DMD: variants seen among roughly 807,000 people sequenced by gnomAD.
DMD encodes the protein mutant dystrophin.
Under a neutral mutation model 330.1 loss-of-function variants are expected in DMD, and 63 were observed. The ratio of observed to expected loss-of-function variants is 0.19; its 90% CI spans 0.16 to 0.24. DMD has a LOEUF of 0.24. Ranked by LOEUF, DMD falls within the 10% of genes least tolerant of loss-of-function variation. The probability of loss-of-function intolerance (pLI) is 1.00; values close to 1 mark genes in which losing one functional copy is unlikely to be tolerated. For missense variants in DMD, 3,344 were observed against 2,684.1 expected (o/e 1.25, Z -5.43); for synonymous variants, 1,223 against 959.8 (o/e 1.27, Z -5.07).
chrX:33,034,744 G>A (rs985174721), intron 1 of DMD, among the ~76,000 whole-genome samples: 1 of 112,007 alleles, frequency 8.9e-6, no homozygotes, highest in Non-Finnish European at 1.9e-5. Flanking sequence ...CATACGGCCT[G>A]GATTTAAAGT....
chrX:32,251,157 T>C (rs867415304), intron 43 of DMD, among the ~76,000 whole-genome samples: 4 of 110,127 alleles, frequency 3.6e-5, no homozygotes. Flanking sequence ...ACCTGCACGT[T>C]CTGCACCTGT....
At chrX:33,070,742 C>A in intron 1 of DMD, among the ~76,000 whole-genome samples, 1 of 78,234 alleles carries the variant, frequency 1.3e-5, no homozygotes, top group African/African-American at 4.8e-5. Context: ...GATAATGTTT[C>A]TTTACTTCTT....
chrX:31,566,245 G>C (rs1415882590), intron 55 of DMD, among the ~76,000 whole-genome samples: 1 of 111,631 alleles, frequency 9.0e-6, no homozygotes, highest in African/African-American at 3.2e-5. Flanking sequence ...TTAAGTCCAT[G>C]ATCTATTTTG....
rs146760461 is a variant in DMD, at chrX:32,588,277, G to T, written c.1602+7480C>A. Among the ~76,000 whole-genome samples the T allele has an allele frequency of 2.5e-4, 28 of 111,810 alleles. No individual in the cohort carries two copies. In the East Asian group the frequency reaches 7.9e-3, roughly 31 times the overall value. ...TCGGTGCCCAAACAGACACAATTAG[G>T]GTACAGACATGGCACAAAGAGGGAG... On this transcript the variant is annotated intron_variant, in intron 13 of 78. Coordinates refer to ENST00000357033, the MANE Select transcript of DMD (RefSeq NM_004006.3).
At chrX:32,042,601 G>A (rs1366999629) in intron 44 of DMD, among the ~76,000 whole-genome samples, 1 of 111,734 alleles carries the variant, frequency 8.9e-6, no homozygotes, top group African/African-American at 3.3e-5. Context: ...ATCAATGTGT[G>A]TGTATAATTT....
At chrX:32,154,997 C>A (rs1208994002) in intron 44 of DMD, among the ~76,000 whole-genome samples, 1 of 109,768 alleles carries the variant, frequency 9.1e-6, no homozygotes, top group Non-Finnish European at 1.9e-5. Context: ...AGGAAGACTT[C>A]AAAAGCTGGA....
In DMD at chrX:32,069,798, C is replaced by G. The variant is rs755474440; in HGVS notation, c.6439-101284G>C. On this transcript the variant is annotated intron_variant, in intron 44 of 78. Coordinates refer to ENST00000357033, the MANE Select transcript of DMD (RefSeq NM_004006.3). ...TCTCACTCCAATTTAAATTTAGGAC[C>G]TCTGAACACTGTTCTTCTATATTTG... Among the ~76,000 whole-genome samples, 4 of 111,552 alleles carry G rather than the reference C, an allele frequency of 3.6e-5. No homozygotes were observed. The East Asian group carries it at 1.1e-3, about 32-fold the overall frequency.
At chrX:32,321,151 G>T (rs1308753411) in intron 41 of DMD, among the ~76,000 whole-genome samples, 1 of 111,413 alleles carries the variant, frequency 9.0e-6, no homozygotes, top group South Asian at 3.7e-4. Flanking sequence ...ATGTATGTAC[G>T]TGTCTGTGCA....
At chrX:31,764,566 A>C (rs990024852) in intron 51 of DMD, among the ~76,000 whole-genome samples, 2 of 112,011 alleles carry the variant, frequency 1.8e-5, no homozygotes, top group African/African-American at 6.5e-5. Context: ...TCTCCTCTCC[A>C]CTTTCTTAAG....
chrX:31,357,865 A>G (rs1467812883), intron 60 of DMD, among the ~76,000 whole-genome samples: 2 of 112,076 alleles, frequency 1.8e-5, no homozygotes, highest in Non-Finnish European at 3.8e-5. Context: ...GATCTCATCT[A>G]CTGTACTTCC....
chrX:32,498,749 A>G (rs146783622), intron 19 of DMD, among the ~76,000 whole-genome samples: 209 of 112,005 alleles, frequency 1.9e-3, no homozygotes, highest in African/African-American at 6.0e-3. Context: ...CTTCCAATTG[A>G]TCATAAAACT....
intron 1 of DMD, among the ~76,000 whole-genome samples, chrX:33,146,130 G>A (rs962177067): frequency 7.3e-5 from 8 of 110,224 alleles, no homozygotes; most frequent in African/African-American, 2.6e-4. Context: ...TCCTAACCTC[G>A]TGATCCACCT....
chrX:32,652,822 C>G (rs1238515690), intron 9 of DMD, among the ~76,000 whole-genome samples: 5 of 111,637 alleles, frequency 4.5e-5, no homozygotes, highest in Non-Finnish European at 7.5e-5. Context: ...TCTCCAGCAC[C>G]TGTTGTTTCC....
intron 52 of DMD, among the ~76,000 whole-genome samples, chrX:31,705,618 T>C (rs146233016): frequency 0.011 from 1,252 of 112,813 alleles, 9 homozygotes; most frequent in Non-Finnish European, 0.017. Flanking sequence ...TTGGCTTTTC[T>C]AGCTTGACTT....
chrX:32,832,880 T>G (rs2148905825), intron 4 of DMD, among the ~76,000 whole-genome samples: 1 of 111,509 alleles, frequency 9.0e-6, no homozygotes, highest in Admixed American at 9.6e-5. Context: ...AATGACAGCT[T>G]TTTATTCCCT....
chrX:31,475,497 C>T (rs1329546491), intron 59 of DMD, among the ~76,000 whole-genome samples: 5 of 112,334 alleles, frequency 4.5e-5, no homozygotes, highest in Non-Finnish European at 9.4e-5. Context: ...GTCTGCTCTA[C>T]AGCCTATCTA....
intron 55 of DMD, among the ~76,000 whole-genome samples, chrX:31,604,673 A>G (rs1398112568): frequency 8.9e-6 from 1 of 112,214 alleles, no homozygotes; most frequent in Non-Finnish European, 1.9e-5. Flanking sequence ...TTTCTTCTCC[A>G]AAGTTTAAAT....
intron 43 of DMD, among the ~76,000 whole-genome samples, chrX:32,240,353 G>T (rs758236386): frequency 9.0e-6 from 1 of 111,430 alleles, no homozygotes; most frequent in East Asian, 2.8e-4. Context: ...CATCCAGAAT[G>T]AGAATAGTAC....
chrX:31,896,683 C>T (rs1378079235), intron 47 of DMD, among the ~76,000 whole-genome samples: 1 of 111,582 alleles, frequency 9.0e-6, no homozygotes, highest in Non-Finnish European at 1.9e-5. Context: ...AAAACCATTT[C>T]ATTCAGTATC....
Sources: allele counts gnomAD v4.1 joint callset (sites outside exome capture counted in the v4.1 genomes callset), GRCh38; gene constraint gnomAD v4.1.1; transcripts MANE v1.5; gene names NCBI Gene and HGNC (gene_info 2026-07-23, HGNC 2026-07-21).